The following ARSG variants were observed in gnomAD, a reference collection of about 807,000 sequenced individuals.
ARSG encodes arylsulfatase G, also known as ASG.
A neutral mutation model predicts 50.5 loss-of-function variants in ARSG; 37 were observed. The ratio of observed to expected loss-of-function variants is 0.73; its 90% CI spans 0.56 to 0.96. The LOEUF is 0.96. Ranked by LOEUF, ARSG falls within the 50% of genes least tolerant of loss-of-function variation. ARSG has a pLI of 0.00. For missense variants in ARSG, 629 were observed against 675.3 expected, an observed-to-expected ratio of 0.93 and a Z score of 0.76; for synonymous variants, 225 against 254.6, an observed-to-expected ratio of 0.88 and a Z score of 1.11.
chr17:68,421,374 C>CTTAA (rs2082759765), downstream of ARSG: 1 of 170,362 alleles, frequency 5.9e-6, no homozygotes, highest in African/African-American at 2.4e-5. Context: ...CTTTGCCTGG[C>CTTAA]TAAAAGAGTC....
intron 9 of ARSG, among the ~76,000 whole-genome samples, chr17:68,393,210 A>T (rs1483494573): frequency 5.9e-5 from 9 of 152,206 alleles, no homozygotes; most frequent in African/African-American, 2.2e-4. Context: ...GTTACCTGTG[A>T]TCAACCATGG....
intron 10 of ARSG, among the ~76,000 whole-genome samples, chr17:68,396,683 C>T (rs1209684504): frequency 1.3e-5 from 2 of 152,094 alleles, no homozygotes; most frequent in Non-Finnish European, 2.9e-5. Flanking sequence ...CCAAAGCTGC[C>T]CTTCCCACCC....
At chr17:68,450,574 G>C in the ARSG span, among the ~76,000 whole-genome samples, 4 of 152,206 alleles carry the variant, frequency 2.6e-5, no homozygotes, top group African/African-American at 9.6e-5. Context: ...AGTAGACTCT[G>C]TTTACAATAC....
chr17:68,423,137 C>G (rs1051113724), downstream of ARSG, among the ~76,000 whole-genome samples: 10 of 152,164 alleles, frequency 6.6e-5, no homozygotes, highest in African/African-American at 2.4e-4. This position sits in a 1 kb window ranked among gnomAD's most constrained non-coding sequence, Gnocchi z 4.4. Context: ...GCTGAGACTC[C>G]AAGAGCCTTT....
At position 68,307,157 on chromosome 17, in the gene ARSG, T is replaced by C; in HGVS notation, c.-337T>C. Reference sequence around the variant, plus strand: ...CACTTTCTTAGTGGCCAAAGAGCAGTTGTTGACATTGATGTCTAATTATTG... The same window carrying C: ...CACTTTCTTAGTGGCCAAAGAGCAGCTGTTGACATTGATGTCTAATTATTG... On this transcript the variant is annotated 5_prime_UTR_variant, in exon 2 of 12. Coordinates refer to ENST00000621439, the MANE Select transcript of ARSG (RefSeq NM_001267727.2). The C allele has an allele frequency of 3.9e-6, 1 of 259,392 alleles. No individual in the cohort carries two copies. Among genetic ancestry groups the C allele is most frequent in the South Asian group, 6.2e-5 (1 of 16,240 alleles). 16.1% of individuals were successfully genotyped at this position (259,392 alleles called of 1,614,324 possible).
intron 6 of ARSG, among the ~76,000 whole-genome samples, chr17:68,364,493 G>T (rs2079447423): frequency 6.6e-6 from 1 of 151,992 alleles, no homozygotes; most frequent in Non-Finnish European, 1.5e-5. Context: ...CTTGCTGGCT[G>T]GGATTACAGG....
At chr17:68,428,053 G>A in the ARSG span, among the ~76,000 whole-genome samples, 1 of 152,058 alleles carries the variant, frequency 6.6e-6, no homozygotes, top group Non-Finnish European at 1.5e-5. Flanking sequence ...CACCATGCCT[G>A]GCTAATTTTT....
At chr17:68,317,518 T>A (rs1448817415) in intron 2 of ARSG, among the ~76,000 whole-genome samples, 1 of 151,248 alleles carries the variant, frequency 6.6e-6, no homozygotes, top group Non-Finnish European at 1.5e-5. Context: ...TCAGCAAACA[T>A]CTCTTTATCA....
chr17:68,404,406 G>A (rs2081615446), intron 11 of ARSG, among the ~76,000 whole-genome samples: 1 of 152,160 alleles, frequency 6.6e-6, no homozygotes, highest in East Asian at 1.9e-4. Context: ...TGTATAATTT[G>A]GTGAGGTTTT....
chr17:68,327,966 G>A (rs1371979904), intron 2 of ARSG, among the ~76,000 whole-genome samples: 6 of 152,286 alleles, frequency 3.9e-5, no homozygotes, highest in African/African-American at 1.4e-4. Context: ...AGAGAGACTT[G>A]AAGATAATGC....
intron 11 of ARSG, among the ~76,000 whole-genome samples, chr17:68,409,622 T>C (rs1027820443): frequency 5.3e-5 from 8 of 151,166 alleles, no homozygotes; most frequent in Non-Finnish European, 8.9e-5. Context: ...TTTGGTTCCA[T>C]ATGAACTTTA....
chr17:68,305,284 T>C (rs1156725033), intron 1 of ARSG, among the ~76,000 whole-genome samples: 1 of 152,234 alleles, frequency 6.6e-6, no homozygotes, highest in Non-Finnish European at 1.5e-5. Flanking sequence ...CAAGTCTGAT[T>C]TGTCGTTTTT....
chr17:68,322,841 T>C (rs2077346059), intron 2 of ARSG, among the ~76,000 whole-genome samples: 1 of 152,128 alleles, frequency 6.6e-6, no homozygotes. Flanking sequence ...ACAATAAATG[T>C]TTATTTCTCA....
chr17:68,328,280 T>A (rs894856629), intron 2 of ARSG, among the ~76,000 whole-genome samples: 1 of 152,176 alleles, frequency 6.6e-6, no homozygotes, highest in Non-Finnish European at 1.5e-5. Context: ...AAACCTACTC[T>A]GTGCTGGATG....
intron 2 of ARSG, among the ~76,000 whole-genome samples, chr17:68,334,546 T>C (rs1335659795): frequency 1.3e-5 from 2 of 152,170 alleles, no homozygotes; most frequent in African/African-American, 4.8e-5. Flanking sequence ...ACCATTTTCT[T>C]AGAGCCCATG....
intron 1 of ARSG, among the ~76,000 whole-genome samples, chr17:68,305,617 A>C (rs1339683492): frequency 1.3e-5 from 2 of 152,218 alleles, no homozygotes; most frequent in Non-Finnish European, 2.9e-5. Flanking sequence ...CATTTCCATG[A>C]AAAAAATTTT....
At chr17:68,365,232 A>G (rs1436000393) in intron 6 of ARSG, among the ~76,000 whole-genome samples, 1 of 152,198 alleles carries the variant, frequency 6.6e-6, no homozygotes, top group East Asian at 1.9e-4. Context: ...GAATTGCTTG[A>G]ACCTGGGAGG....
At chr17:68,409,440 G>A (rs1222515347) in intron 11 of ARSG, among the ~76,000 whole-genome samples, 5 of 150,818 alleles carry the variant, frequency 3.3e-5, no homozygotes, top group South Asian at 2.1e-4. Flanking sequence ...GTAGATATGC[G>A]GCGTTATTCC....
the ARSG span, chr17:68,436,385 G>C: frequency 6.4e-5 from 103 of 1,613,752 alleles, no homozygotes; most frequent in East Asian, 2.2e-3. Context: ...AACTTACCAG[G>C]GAGTTTCCAT....
Sources: gnomAD v4.1 joint callset for allele counts (sites outside exome capture counted in the v4.1 genomes callset) on GRCh38, gnomAD v4.1.1 for gene constraint, Gnocchi (gnomAD v3.1) non-coding constraint, MANE v1.5 for transcripts, NCBI Gene and HGNC (gene_info 2026-07-23, HGNC 2026-07-21) for gene names.